CFAP77: variants seen among roughly 807,000 people sequenced by gnomAD.
The protein encoded by CFAP77 is cilia and flagella associated protein 77.
Under a neutral mutation model 31.1 loss-of-function variants are expected in CFAP77, and 25 were observed. The ratio of observed to expected loss-of-function variants is 0.80; its 90% CI spans 0.59 to 1.12. The LOEUF is 1.12. Ranked by LOEUF, CFAP77 falls within the 50% of genes most tolerant of loss-of-function variation. The pLI, the probability that CFAP77 is intolerant of heterozygous loss-of-function variation, is 0.00. For synonymous variants in CFAP77, 151 were observed against 159.9 expected (o/e 0.94, Z 0.42); for missense variants, 377 against 397.3 (o/e 0.95, Z 0.44).
rs186944752 is a variant in CFAP77, at chr9:132,519,009, G to C, written c.525-18592G>C. Among the ~76,000 whole-genome samples, 397 of 152,278 alleles carry C rather than the reference G, an allele frequency of 2.6e-3. 1 individual carries two copies. The highest frequency in any genetic ancestry group is 6.8e-3 in the Middle Eastern group (2 of 294). On this transcript the variant is annotated intron_variant, in intron 3 of 5. Transcript: ENST00000393216. ...GTGAGGATATTGATATCAGTCTCTC[G>C]AGTTGTTGTCCCAAGGATTGAGGAG...
intron 1 of CFAP77, among the ~76,000 whole-genome samples, chr9:132,425,795 A>G (rs1850303516): frequency 6.6e-6 from 1 of 152,182 alleles, no homozygotes; most frequent in Admixed American, 6.5e-5. Flanking sequence ...TACCTTATTT[A>G]TTTTTAAACA....
intron 3 of CFAP77, among the ~76,000 whole-genome samples, chr9:132,514,177 C>T (rs950138276): frequency 1.3e-5 from 2 of 152,120 alleles, no homozygotes; most frequent in African/African-American, 4.8e-5. Context: ...AGGAGACGCC[C>T]CTTCCCTGTG....
At chr9:132,568,555 T>TAAA (rs1829916991) in intron 5 of CFAP77, among the ~76,000 whole-genome samples, 1 of 66,124 alleles carries the variant, frequency 1.5e-5, no homozygotes, top group African/African-American at 8.4e-5. Flanking sequence ...AAACTCCGCC[T>TAAA]CAAAAAAAAA....
chr9:132,415,197 G>A (rs1384499629), intron 1 of CFAP77, among the ~76,000 whole-genome samples: 1 of 152,078 alleles, frequency 6.6e-6, no homozygotes, highest in Non-Finnish European at 1.5e-5. Context: ...CATCTTGGAG[G>A]GCCAGTGGGT....
chr9:132,475,210 C>G (rs947142780), intron 1 of CFAP77, among the ~76,000 whole-genome samples: 4 of 152,226 alleles, frequency 2.6e-5, no homozygotes, highest in Admixed American at 2.6e-4. Flanking sequence ...ATGTGAGGCC[C>G]TCCTTTGCAG....
intron 1 of CFAP77, among the ~76,000 whole-genome samples, chr9:132,418,301 C>T (rs1850143990): frequency 6.6e-6 from 1 of 152,220 alleles, no homozygotes; most frequent in Non-Finnish European, 1.5e-5. Context: ...AGATGCTGCT[C>T]AGCATCCTGC....
chr9:132,465,531 C>T (rs1228665978), intron 1 of CFAP77, among the ~76,000 whole-genome samples: 1 of 152,030 alleles, frequency 6.6e-6, no homozygotes, highest in Admixed American at 6.6e-5. Context: ...AGGGGAAATG[C>T]CTGCACTTGT....
At chr9:132,477,159 G>A (rs12336044) in intron 1 of CFAP77, among the ~76,000 whole-genome samples, 8,410 of 152,240 alleles carry the variant, frequency 0.055, 813 homozygotes, top group African/African-American at 0.19. Context: ...GCCAGGATGA[G>A]GGACACCTAG....
At chr9:132,438,660 TG>T (rs1850558002) in intron 1 of CFAP77, among the ~76,000 whole-genome samples, 1 of 150,114 alleles carries the variant, frequency 6.7e-6, no homozygotes, top group African/African-American at 2.4e-5. Flanking sequence ...CTCAGCCTCC[TG>T]AGTAGCTGGG....
In CFAP77 at chr9:132,530,573, C is replaced by A. The variant is rs62578597; in HGVS notation, c.525-7028C>A. On this transcript the variant is annotated intron_variant, in intron 3 of 5. Transcript: ENST00000393216. The stretch of plus-strand genomic sequence containing the variant: ...TACAGGCGTGAGCCATCATGCCTGG[C>A]CATCAGTTTTCTAATGGGATTGTTT... Among the ~76,000 whole-genome samples, 14 of 152,124 alleles carry A rather than the reference C, an allele frequency of 9.2e-5. No homozygotes were observed. The East Asian group carries it at 2.7e-3, about 29-fold the overall frequency.
At chr9:132,442,629 G>T (rs1850631029) in intron 1 of CFAP77, among the ~76,000 whole-genome samples, 1 of 151,854 alleles carries the variant, frequency 6.6e-6, no homozygotes, top group African/African-American at 2.4e-5. Context: ...ATAGGTTATT[G>T]TGTACTTGGA....
intron 5 of CFAP77, among the ~76,000 whole-genome samples, chr9:132,555,759 C>A (rs2119090292): frequency 6.6e-6 from 1 of 152,258 alleles, no homozygotes; most frequent in East Asian, 1.9e-4. Flanking sequence ...CCCCCCAGCC[C>A]TGTGTGGTCC....
intron 1 of CFAP77, among the ~76,000 whole-genome samples, chr9:132,479,157 C>T (rs1431715110): frequency 1.3e-5 from 2 of 152,174 alleles, no homozygotes; most frequent in Non-Finnish European, 2.9e-5. Context: ...AATAGATTTT[C>T]GCATGTAGCA....
chr9:132,495,943 C>A lies in CFAP77; in HGVS notation c.196-2752C>A, dbSNP rs1381868739. 2.6e-5 allele frequency among the ~76,000 whole-genome samples: 4 copies of A among 152,198 alleles called. No individual in the cohort carries two copies. Among genetic ancestry groups the A allele is most frequent in the African/African-American group, 9.7e-5 (4 of 41,442 alleles). ...GGTGTCTAGATCTTGGACTTCCCAG[C>A]CTCCAGAACTTTGAGAAATAAATGT... On this transcript the variant is annotated intron_variant, in intron 1 of 5. Coordinates refer to ENST00000393216, the MANE Select transcript of CFAP77 (RefSeq NM_001282957.2). This position sits in a 1 kb window ranked among gnomAD's most constrained non-coding sequence, Gnocchi z 4.2.
chr9:132,503,333 G>A (rs1054599303), intron 3 of CFAP77, among the ~76,000 whole-genome samples: 9 of 152,176 alleles, frequency 5.9e-5, no homozygotes, highest in Admixed American at 1.3e-4. Context: ...TTCCTGGTCC[G>A]TGCTGTGCAC....
chr9:132,473,721 T>C (rs771181251), intron 1 of CFAP77, among the ~76,000 whole-genome samples: 3 of 152,206 alleles, frequency 2.0e-5, no homozygotes, highest in Admixed American at 6.5e-5. Flanking sequence ...TTCACTCTTG[T>C]CACCCAGGCT....
intron 5 of CFAP77, among the ~76,000 whole-genome samples, chr9:132,566,998 G>T (rs1460701033): frequency 2.6e-5 from 4 of 152,210 alleles, no homozygotes; most frequent in Admixed American, 2.6e-4. Flanking sequence ...CAGGTTCTGT[G>T]CCAGGCACTG....
chr9:132,428,851 C>T (rs1040794428), intron 1 of CFAP77, among the ~76,000 whole-genome samples: 2 of 152,000 alleles, frequency 1.3e-5, no homozygotes, highest in Non-Finnish European at 2.9e-5. Flanking sequence ...CACCAGGCTG[C>T]GATGGTGTTG....
intron 5 of CFAP77, among the ~76,000 whole-genome samples, chr9:132,560,699 T>C (rs1168978523): frequency 6.6e-6 from 1 of 152,178 alleles, no homozygotes; most frequent in African/African-American, 2.4e-5. Context: ...TAGCTGGGTG[T>C]CCTTGGGCCG....
Sources: gnomAD v4.1 joint callset for allele counts (sites outside exome capture counted in the v4.1 genomes callset) on GRCh38, gnomAD v4.1.1 for gene constraint, Gnocchi (gnomAD v3.1) non-coding constraint, MANE v1.5 for transcripts, NCBI Gene and HGNC (gene_info 2026-07-23, HGNC 2026-07-21) for gene names.